Variants in SLC35E3 observed in about 807,000 individuals in gnomAD.
SLC35E3 encodes bladder cancer-overexpressed gene 1 protein.
A neutral mutation model predicts 30.8 loss-of-function variants in SLC35E3; 28 were observed. The observed-to-expected ratio is 0.91, with a 90% CI of 0.67 to 1.25. The LOEUF is 1.25. Among genes scored for constraint, SLC35E3 ranks in the 50% most tolerant of loss-of-function variants. The probability of loss-of-function intolerance (pLI) is 0.00; values close to 1 mark genes in which losing one functional copy is unlikely to be tolerated. For missense variants in SLC35E3, 365 were observed against 375.4 expected (o/e 0.97, Z 0.23); for synonymous variants, 146 against 149.2 (o/e 0.98, Z 0.16).
intron 4 of SLC35E3, among the ~76,000 whole-genome samples, chr12:68,759,574 C>T (rs1176118147): frequency 6.6e-6 from 1 of 151,990 alleles, no homozygotes; most frequent in East Asian, 1.9e-4. Flanking sequence ...TAAGGTGGTG[C>T]ACGCCTGTAA....
chr12:68,749,239 A>C (rs1368313113), intron 2 of SLC35E3, among the ~76,000 whole-genome samples: 1 of 152,234 alleles, frequency 6.6e-6, no homozygotes, highest in East Asian at 1.9e-4. Flanking sequence ...GAGATTGACC[A>C]AGGAATGATT....
intron 3 of SLC35E3, among the ~76,000 whole-genome samples, chr12:68,754,147 A>G (rs1878917045): frequency 6.6e-6 from 1 of 151,486 alleles, no homozygotes; most frequent in African/African-American, 2.4e-5. Flanking sequence ...GTCCGGCCAC[A>G]TCTGTTTCTT....
chr12:68,763,248 G>A (rs972689893), intron 4 of SLC35E3, among the ~76,000 whole-genome samples: 18 of 152,120 alleles, frequency 1.2e-4, no homozygotes, highest in Non-Finnish European at 2.6e-4. Flanking sequence ...AATGCACAGA[G>A]TGGTGGCTGT....
At chr12:68,763,771 C>A (rs1879299284) in intron 4 of SLC35E3, among the ~76,000 whole-genome samples, 1 of 152,160 alleles carries the variant, frequency 6.6e-6, no homozygotes, top group South Asian at 2.1e-4. Context: ...AAATCTTAAT[C>A]CAGTGGCATG....
chr12:68,746,319 A>G lies in SLC35E3; in HGVS notation c.-59A>G. 2.7e-6 allele frequency: 4 copies of G among 1,500,420 alleles called. No individual in the cohort carries two copies. The highest frequency in any genetic ancestry group is 3.6e-6 in the Non-Finnish European group (4 of 1,124,882). 92.9% of individuals were successfully genotyped at this position (1,500,420 alleles called of 1,614,324 possible). On this transcript the variant is annotated 5_prime_UTR_variant, in exon 1 of 5. Transcript: ENST00000398004. ...GGACGCGGCGGTGGAGTAGAAGGGCAGCCGGAGACAGGCCCGGCGCCCCTT... is the reference window on the plus strand; with the variant it reads ...GGACGCGGCGGTGGAGTAGAAGGGCGGCCGGAGACAGGCCCGGCGCCCCTT...
rs1879520789 is a variant in SLC35E3 at position 68,768,635 on chromosome 12, A to G, written c.*3745A>G. The G allele has an allele frequency of 1.3e-5, 2 of 152,196 alleles. No homozygotes were observed. The highest frequency in any genetic ancestry group is 4.8e-5 in the African/African-American group (2 of 41,460). 9.4% of individuals were successfully genotyped at this position (152,196 alleles called of 1,614,324 possible). ...TGTTTATTCTGTGTTAAGTGACTGA[A>G]TTTCAATTTTTACCTTTTAAAAATA... On this transcript the variant is annotated 3_prime_UTR_variant, in exon 5 of 5. Transcript: ENST00000398004.
chr12:68,755,401 T>A lies in SLC35E3; in HGVS notation c.672+3211T>A, dbSNP rs142444924. 9.3e-3 allele frequency among the ~76,000 whole-genome samples: 1,421 copies of A among 152,330 alleles called. 12 individuals carry two copies. Among genetic ancestry groups the A allele is most frequent in the South Asian group, 0.021 (102 of 4,828 alleles). ...AATTTATCAAGCACCTATATAGCCC[T>A]TAGTCTGTTCCCAGCACTATTCAAA... On this transcript the variant is annotated intron_variant, in intron 3 of 4. Transcript: ENST00000398004.
chr12:68,772,469 T>C lies in SLC35E3; in HGVS notation c.*7579T>C, dbSNP rs1220479516. ...TCTTATATTAGAAGATAGGATTTCT[T>C]CTGATGTATCGAAGTTACTTTATAC... On this transcript the variant is annotated 3_prime_UTR_variant, in exon 5 of 5. Transcript: ENST00000398004. The C allele has an allele frequency of 1.3e-5, 2 of 152,266 alleles. No homozygotes were observed. The highest frequency in any genetic ancestry group is 2.9e-5 in the Non-Finnish European group (2 of 68,050). The allele number at this position is 152,266 out of a possible 1,614,324, so 9.4% of individuals were successfully genotyped here.
At chr12:68,751,379 C>T (rs1012332231) in intron 2 of SLC35E3, among the ~76,000 whole-genome samples, 1 of 151,734 alleles carries the variant, frequency 6.6e-6, no homozygotes, top group African/African-American at 2.4e-5. Context: ...CTCACTGCAA[C>T]CTCCGCCTCC....
intron 3 of SLC35E3, among the ~76,000 whole-genome samples, chr12:68,756,134 C>T (rs1226701599): frequency 6.6e-6 from 1 of 151,900 alleles, no homozygotes; most frequent in Admixed American, 6.6e-5. Context: ...AAGTAGAGGT[C>T]ATTGGACCAT....
chr12:68,776,130 C>G lies in SLC35E3; in HGVS notation c.*11240C>G, dbSNP rs1354511825. Reference sequence around the variant, plus strand: ...TACAAAAATTAGCCGGGCATGGTGACGTGTGCCTGGCAGAGGTTTCAGTGA... The same window carrying G: ...TACAAAAATTAGCCGGGCATGGTGAGGTGTGCCTGGCAGAGGTTTCAGTGA... On this transcript the variant is annotated 3_prime_UTR_variant, in exon 5 of 5. Transcript: ENST00000398004. The G allele has an allele frequency of 7.3e-6, 1 of 136,316 alleles. No individual in the cohort carries two copies. Among genetic ancestry groups the G allele is most frequent in the African/African-American group, 2.8e-5 (1 of 35,540 alleles). 8.4% of individuals were successfully genotyped at this position (136,316 alleles called of 1,614,324 possible). A position where few individuals can be genotyped will look rare whatever the true frequency, so the allele number is the denominator to read the frequency against.
chr12:68,749,422 G>A (rs750998177), intron 2 of SLC35E3, among the ~76,000 whole-genome samples: 1 of 152,180 alleles, frequency 6.6e-6, no homozygotes, highest in Non-Finnish European at 1.5e-5. Context: ...TAAAAGACAA[G>A]TGACCAGCTA....
intron 4 of SLC35E3, among the ~76,000 whole-genome samples, chr12:68,764,490 T>C (rs1426230792): frequency 1.3e-5 from 2 of 152,182 alleles, no homozygotes; most frequent in Non-Finnish European, 2.9e-5. Flanking sequence ...GGTTTCACCA[T>C]GATGGCCAGG....
intron 4 of SLC35E3, among the ~76,000 whole-genome samples, chr12:68,763,598 A>G (rs1879294285): frequency 6.6e-6 from 1 of 152,142 alleles, no homozygotes; most frequent in Non-Finnish European, 1.5e-5. Flanking sequence ...CATGTTGGTC[A>G]AGCAGGTCTC....
intron 4 of SLC35E3, among the ~76,000 whole-genome samples, chr12:68,763,287 T>C (rs1161636613): frequency 6.6e-6 from 1 of 152,116 alleles, no homozygotes; most frequent in African/African-American, 2.4e-5. Flanking sequence ...GAAAAGCACA[T>C]AGGCAAACAT....
chr12:68,755,076 C>T (rs1212938471), intron 3 of SLC35E3, among the ~76,000 whole-genome samples: 1 of 152,168 alleles, frequency 6.6e-6, no homozygotes, highest in Admixed American at 6.5e-5. Flanking sequence ...AGATGGCAGT[C>T]TTCTTGCCAT....
chr12:68,754,388 A>C (rs1295536337), intron 3 of SLC35E3, among the ~76,000 whole-genome samples: 2 of 152,038 alleles, frequency 1.3e-5, no homozygotes, highest in Non-Finnish European at 2.9e-5. Context: ...GGTTCAAGTG[A>C]TTCTTGTGCC....
In SLC35E3 at chr12:68,764,985, G is replaced by A. The variant is rs543653060; in HGVS notation, c.*95G>A. 28 of 1,222,160 alleles carry A rather than the reference G, an allele frequency of 2.3e-5. No individual in the cohort carries two copies. The highest frequency in any genetic ancestry group is 2.1e-4 in the South Asian group (14 of 65,730). The allele number at this position is 1,222,160 out of a possible 1,614,324, so 75.7% of individuals were successfully genotyped here. A position where few individuals can be genotyped will look rare whatever the true frequency, so the allele number is the denominator to read the frequency against. On this transcript the variant is annotated 3_prime_UTR_variant, in exon 5 of 5. Coordinates refer to ENST00000398004, the MANE Select transcript of SLC35E3 (RefSeq NM_018656.5). ...AAAAAAAAAAAATTGGGCCAGGCAC[G>A]GTGGCTCACGCCTGTAATCCCAGCA...
At position 68,776,640 on chromosome 12, in the gene SLC35E3, C is replaced by G. The variant is rs1879753459; in HGVS notation, c.*11750C>G. On this transcript the variant is annotated 3_prime_UTR_variant, in exon 5 of 5. Transcript: ENST00000398004. ...GGCGGAGGTTGCAGTGAGCTGAGATCATGCCACTGCACTCCAGCCTGGATG... is the reference window on the plus strand; with the variant it reads ...GGCGGAGGTTGCAGTGAGCTGAGATGATGCCACTGCACTCCAGCCTGGATG... The G allele has an allele frequency of 5.3e-5, 8 of 152,322 alleles. No homozygotes were observed. In the Admixed American group the frequency reaches 5.3e-4, roughly 10 times the overall value. 9.4% of individuals were successfully genotyped at this position (152,322 alleles called of 1,614,324 possible). A position where few individuals can be genotyped will look rare whatever the true frequency, so the allele number is the denominator to read the frequency against.
Sources: gnomAD v4.1 joint callset for allele counts (sites outside exome capture counted in the v4.1 genomes callset) on GRCh38, gnomAD v4.1.1 for gene constraint, MANE v1.5 for transcripts, NCBI Gene and HGNC (gene_info 2026-07-23, HGNC 2026-07-21) for gene names.